Variants in GRIN2B observed in about 807,000 individuals in gnomAD.
GRIN2B encodes the protein glutamate receptor ionotropic, NMDA 2B.
In GRIN2B, 5 loss-of-function variants were observed where a neutral mutation model predicts 114.5. That is an observed-to-expected ratio of 0.04 (90% CI 0.02 to 0.09). The LOEUF (loss-of-function observed/expected upper bound fraction) is 0.09. GRIN2B is among the 10% of genes least tolerant of loss of function. The pLI, the probability that GRIN2B is intolerant of heterozygous loss-of-function variation, is 1.00. For synonymous variants in GRIN2B, 787 were observed against 745.1 expected (o/e 1.06, Z -0.92); for missense variants, 1,108 against 1,943.5 (o/e 0.57, Z 8.08).
intron 2 of GRIN2B, among the ~76,000 whole-genome samples, chr12:13,943,357 A>G (rs958173140): frequency 2.0e-5 from 3 of 152,192 alleles, no homozygotes; most frequent in African/African-American, 7.2e-5. Context: ...AATGGAATCA[A>G]CCCATCAGGC....
intron 10 of GRIN2B, among the ~76,000 whole-genome samples, chr12:13,574,569 A>G (rs534865471): frequency 1.3e-5 from 2 of 152,346 alleles, no homozygotes; most frequent in South Asian, 4.1e-4. Context: ...CATGCAAGGT[A>G]TCTGCAACTA....
At chr12:13,910,473 G>A (rs143450023) in intron 2 of GRIN2B, among the ~76,000 whole-genome samples, 1 of 152,176 alleles carries the variant, frequency 6.6e-6, no homozygotes, top group South Asian at 2.1e-4. Flanking sequence ...TGGTTTCAAA[G>A]AAGGTGCAGC....
intron 2 of GRIN2B, among the ~76,000 whole-genome samples, chr12:13,931,027 T>C (rs1055267654): frequency 2.6e-5 from 4 of 152,224 alleles, no homozygotes; most frequent in Non-Finnish European, 1.5e-5. Context: ...AATGTTTTCC[T>C]GGTATGTTCT....
At chr12:13,683,837 GTTATTA>G (rs1176443203) in intron 4 of GRIN2B, 1 of 152,146 alleles carries the variant, frequency 6.6e-6, no homozygotes, top group African/African-American at 2.4e-5. Context: ...TGTATTAGTT[GTTATTA>G]TTATTACCTA....
chr12:13,646,059 G>C (rs904572134), intron 5 of GRIN2B, among the ~76,000 whole-genome samples: 1 of 152,096 alleles, frequency 6.6e-6, no homozygotes, highest in Admixed American at 6.6e-5. Context: ...TCCCCAGACA[G>C]TGTTCACTGG....
chr12:13,686,806 A>C (rs1355818650), intron 4 of GRIN2B, among the ~76,000 whole-genome samples: 1 of 152,156 alleles, frequency 6.6e-6, no homozygotes, highest in Non-Finnish European at 1.5e-5. Flanking sequence ...CTGTCTGTCC[A>C]TCCAAGCAAG....
chr12:13,704,383 T>C (rs1950340081), intron 4 of GRIN2B, among the ~76,000 whole-genome samples: 1 of 152,186 alleles, frequency 6.6e-6, no homozygotes, highest in Admixed American at 6.5e-5. Flanking sequence ...ACTGCTTGAA[T>C]GGCCAATCCT....
intron 10 of GRIN2B, among the ~76,000 whole-genome samples, chr12:13,594,287 A>G (rs1428944791): frequency 6.6e-6 from 1 of 152,216 alleles, no homozygotes; most frequent in Non-Finnish European, 1.5e-5. Context: ...ATGCCCATCA[A>G]TGATAGACTG....
intron 2 of GRIN2B, among the ~76,000 whole-genome samples, chr12:13,945,661 T>G (rs1166080304): frequency 6.6e-6 from 1 of 152,146 alleles, no homozygotes; most frequent in Non-Finnish European, 1.5e-5. Flanking sequence ...ATGGGCTGTA[T>G]TAAGAGTCAA....
intron 3 of GRIN2B, among the ~76,000 whole-genome samples, chr12:13,803,021 T>C (rs932647247): frequency 2.0e-5 from 3 of 152,152 alleles, no homozygotes; most frequent in Non-Finnish European, 2.9e-5. Context: ...GCCTACTCAA[T>C]TTGAGTATGA....
intron 2 of GRIN2B, among the ~76,000 whole-genome samples, chr12:13,974,934 TAAG>T (rs1206239761): frequency 2.0e-5 from 3 of 149,828 alleles, no homozygotes; most frequent in African/African-American, 7.4e-5. Flanking sequence ...CAGGAGGACA[TAAG>T]AAGAAAAAAA....
Position 13,615,013 on chromosome 12 carries a change from C to T in GRIN2B, c.1654+101G>A. 9.0e-7 allele frequency: 1 copy of T among 1,105,740 alleles called. No individual in the cohort carries two copies. The highest frequency in any genetic ancestry group is 1.4e-6 in the Non-Finnish European group (1 of 718,360). 68.5% of individuals were successfully genotyped at this position (1,105,740 alleles called of 1,614,324 possible). A position where few individuals can be genotyped will look rare whatever the true frequency, so the allele number is the denominator to read the frequency against. ...TGGCTGAGTTGAGCTCCTAGCAAAC[C>T]ACCTTCTAGCTGGAACAGCCTGGCC... On this transcript the variant is annotated intron_variant, in intron 8 of 13. Transcript: ENST00000609686. This position sits in a 1 kb window ranked among gnomAD's most constrained non-coding sequence, Gnocchi z 5.8.
At chr12:13,847,694 G>A (rs527389373) in intron 3 of GRIN2B, among the ~76,000 whole-genome samples, 2 of 152,208 alleles carry the variant, frequency 1.3e-5, no homozygotes, top group Non-Finnish European at 1.5e-5. Flanking sequence ...GCAGGGCAAG[G>A]AGAGAAAGGA....
intron 3 of GRIN2B, among the ~76,000 whole-genome samples, chr12:13,818,336 T>G (rs1864869223): frequency 6.6e-6 from 1 of 152,214 alleles, no homozygotes. Flanking sequence ...AGCCCACACA[T>G]GCCACAGGCA....
chr12:13,727,484 T>C (rs977787948), intron 4 of GRIN2B, among the ~76,000 whole-genome samples: 2 of 152,214 alleles, frequency 1.3e-5, no homozygotes, highest in African/African-American at 4.8e-5. Context: ...TAGCATTGGG[T>C]GATCCAAATG....
At position 13,545,512 on chromosome 12, in the gene GRIN2B, C is replaced by T. The variant is rs1176446319; in HGVS notation, c.*17271G>A. 6.6e-6 allele frequency: 1 copy of T among 152,106 alleles called. No individual in the cohort carries two copies. The highest frequency in any genetic ancestry group is 1.5e-5 in the Non-Finnish European group (1 of 68,024). The allele number at this position is 152,106 out of a possible 1,614,324, so 9.4% of individuals were successfully genotyped here. A position where few individuals can be genotyped will look rare whatever the true frequency, so the allele number is the denominator to read the frequency against. ...TGCTCTGAAGCCACAGACCAAATAT[C>T]CCCAAAATAAGAGCTCCAGTAAACA... On this transcript the variant is annotated 3_prime_UTR_variant, in exon 14 of 14. Transcript: ENST00000609686.
intron 10 of GRIN2B, among the ~76,000 whole-genome samples, chr12:13,580,424 G>T (rs770368717): frequency 2.0e-4 from 31 of 152,102 alleles, no homozygotes; most frequent in Admixed American, 2.0e-3. Context: ...AGAATCTGGG[G>T]GCTTTTGTCT....
chr12:13,779,954 T>A (rs1180186851), intron 3 of GRIN2B, among the ~76,000 whole-genome samples: 1 of 152,252 alleles, frequency 6.6e-6, no homozygotes, highest in Non-Finnish European at 1.5e-5. Flanking sequence ...CAGCTGTTAT[T>A]ATCAAATGAT....
intron 4 of GRIN2B, among the ~76,000 whole-genome samples, chr12:13,746,576 C>T (rs928038748): frequency 4.6e-5 from 7 of 152,226 alleles, no homozygotes; most frequent in Admixed American, 3.9e-4. Context: ...CACTCACTCA[C>T]CCTCTGTATC....
Sources: gnomAD v4.1 joint callset for allele counts (sites outside exome capture counted in the v4.1 genomes callset) on GRCh38, gnomAD v4.1.1 for gene constraint, Gnocchi (gnomAD v3.1) non-coding constraint, MANE v1.5 for transcripts, NCBI Gene and HGNC (gene_info 2026-07-23, HGNC 2026-07-21) for gene names.